TUFT1: variants seen among roughly 807,000 people sequenced by gnomAD.
TUFT1 encodes tuftelin 1, also known as tuftelin.
A neutral mutation model predicts 57.8 loss-of-function variants in TUFT1; 43 were observed. The observed-to-expected ratio is 0.74, with a 90% CI of 0.58 to 0.96. TUFT1 has a LOEUF of 0.96. TUFT1 is among the 40% of genes least tolerant of loss of function. The pLI, the probability that TUFT1 is intolerant of heterozygous loss-of-function variation, is 0.00. For synonymous variants in TUFT1, 166 were observed against 176.7 expected (o/e 0.94, Z 0.48); for missense variants, 459 against 489.0 (o/e 0.94, Z 0.58).
At chr1:151,553,735 A>T (rs1185577814) in intron 1 of TUFT1, among the ~76,000 whole-genome samples, 1 of 152,078 alleles carries the variant, frequency 6.6e-6, no homozygotes, top group East Asian at 1.9e-4. Context: ...ATGCTTCTGA[A>T]TTTTCCAGCG....
chr1:151,580,870 A>G, intron 11 of TUFT1, 72 bp from the exon 12 acceptor site: 1 of 1,340,792 alleles, frequency 7.5e-7, no homozygotes, highest in Non-Finnish European at 1.1e-6. Context: ...GAGAGACCAG[A>G]ATGCACTAGC....
intron 1 of TUFT1, among the ~76,000 whole-genome samples, chr1:151,548,211 C>G (rs1367141789): frequency 6.6e-6 from 1 of 152,102 alleles, no homozygotes; most frequent in Non-Finnish European, 1.5e-5. Context: ...CGGCTCTGTT[C>G]TTTGAGTTTA....
Position 151,574,352 on chromosome 1 carries a change from A to G in TUFT1, c.677A>G (p.Glu226Gly), listed in dbSNP as rs1247441433. 6.2e-7 allele frequency: 1 copy of G among 1,614,190 alleles called. No homozygotes were observed. The stretch of plus-strand genomic sequence containing the variant: ...GAGGAGGACAGAGTGGAGCAGAAAG[A>G]GGCAGAAGTCGGAGAGCTGCAGAGG... ...QREEDRVEQK[E>G]AEVGELQRRL... is the part of the protein sequence containing the mutation. Residue 226 changes from glutamate to glycine, a missense_variant, in exon 8 of 13, where the codon GAG (glutamate) becomes GGG (glycine). Physicochemically the swap from Glu to Gly is moderately conservative, Grantham distance 98. Coordinates refer to ENST00000368849, the MANE Select transcript of TUFT1 (RefSeq NM_020127.3).
At position 151,581,828 on chromosome 1, in the gene TUFT1, C is replaced by G; in HGVS notation, c.*121C>G. The G allele has an allele frequency of 9.6e-7, 1 of 1,041,538 alleles. No individual in the cohort carries two copies. 64.5% of individuals were successfully genotyped at this position (1,041,538 alleles called of 1,614,324 possible). A position where few individuals can be genotyped will look rare whatever the true frequency, so the allele number is the denominator to read the frequency against. ...TGTCCCCTGGCTGCACCCAGGACTT[C>G]GGGCTCCTGTGTCTCACCATTCCCA... On this transcript the variant is annotated 3_prime_UTR_variant, in exon 13 of 13. Transcript: ENST00000368849.
At chr1:151,544,346 G>A (rs1235164061) in intron 1 of TUFT1, among the ~76,000 whole-genome samples, 1 of 152,014 alleles carries the variant, frequency 6.6e-6, no homozygotes, top group African/African-American at 2.4e-5. Context: ...ACCCAGGCTG[G>A]GGTGCGGTGG....
At chr1:151,578,413 G>A (rs147039344) in intron 9 of TUFT1, among the ~76,000 whole-genome samples, 2 of 152,242 alleles carry the variant, frequency 1.3e-5, no homozygotes, top group Non-Finnish European at 2.9e-5. Flanking sequence ...GGGTTCAAGC[G>A]ATTCTTGTGC....
intron 10 of TUFT1, among the ~76,000 whole-genome samples, chr1:151,579,397 G>A (rs1200071201): frequency 6.6e-6 from 1 of 152,206 alleles, no homozygotes; most frequent in African/African-American, 2.4e-5. Flanking sequence ...ATTTTCCAAA[G>A]CCATATGGAA....
Position 151,579,715 on chromosome 1 carries a change from G to T in TUFT1, c.991G>T (p.Ala331Ser), listed in dbSNP as rs769723174. The change falls in exon 11 of 13, where the codon GCC becomes TCC. Residue 331 changes from alanine to serine, a missense_variant. Transcript: ENST00000368849. ...CATCCAGGAGCTCAAGGAGAAAATC[G>T]CCTATCTGGAGGCAGAGGTGTGTGT... ...ATIQELKEKI[A>S]YLEAENLEMH... 2 of 1,613,778 alleles carry T rather than the reference G, an allele frequency of 1.2e-6. No homozygotes were observed. The highest frequency in any genetic ancestry group is 1.7e-4 in the Middle Eastern group (1 of 6,032).
At chr1:151,569,554 TG>T in intron 6 of TUFT1, 102 bp from the exon 7 acceptor site, 1 of 869,196 alleles carries the variant, frequency 1.2e-6, no homozygotes, top group Non-Finnish European at 1.9e-6. Context: ...GAGGGTGGTC[TG>T]GACGAGATGG....
intron 1 of TUFT1, among the ~76,000 whole-genome samples, chr1:151,561,386 C>T (rs1270501094): frequency 1.3e-5 from 2 of 151,408 alleles, no homozygotes; most frequent in Non-Finnish European, 2.9e-5. Flanking sequence ...CATATTGGTG[C>T]GCCTGTAGTC....
intron 5 of TUFT1, among the ~76,000 whole-genome samples, chr1:151,565,420 T>C (rs12029082): frequency 0.046 from 6,973 of 152,382 alleles, 348 homozygotes; most frequent in East Asian, 0.23. Context: ...CTTCATTCCC[T>C]TGAGGGGAAC....
chr1:151,552,162 T>G, intron 1 of TUFT1, among the ~76,000 whole-genome samples: 1 of 152,262 alleles, frequency 6.6e-6, no homozygotes, highest in Non-Finnish European at 1.5e-5. Flanking sequence ...TGAGATTTAC[T>G]GATGTTGCAT....
At chr1:151,554,024 T>C (rs1441818409) in intron 1 of TUFT1, among the ~76,000 whole-genome samples, 1 of 133,578 alleles carries the variant, frequency 7.5e-6, no homozygotes, top group African/African-American at 2.5e-5. Flanking sequence ...TGGCTGGCTG[T>C]CTCCCTTTCT....
intron 1 of TUFT1, among the ~76,000 whole-genome samples, chr1:151,542,825 A>G (rs1665209933): frequency 1.3e-5 from 2 of 152,200 alleles, no homozygotes. Flanking sequence ...CAGTCGGGAC[A>G]CAGGCCTTGT....
In TUFT1 at chr1:151,574,316, C is replaced by T. The variant is rs142133307; in HGVS notation, c.641C>T (p.Ala214Val). The change falls in exon 8 of 13, where the codon GCC (alanine) becomes GTC (valine). Residue 214 changes from alanine to valine, a missense_variant. Transcript: ENST00000368849. The stretch of plus-strand genomic sequence containing the variant: ...AGGGAAGCAGAACAAAGTAATGTGG[C>T]CCTTCAGAGAGAGGAGGACAGAGTG... ...YQREAEQSNV[A>V]LQREEDRVEQ... 6.2e-7 allele frequency: 1 copy of T among 1,614,136 alleles called. No homozygotes were observed. The highest frequency in any genetic ancestry group is 2.2e-5 in the East Asian group (1 of 44,874).
chr1:151,555,230 G>A (rs1665652068), intron 1 of TUFT1, among the ~76,000 whole-genome samples: 1 of 151,102 alleles, frequency 6.6e-6, no homozygotes, highest in African/African-American at 2.4e-5. Context: ...TCAGGAGGCT[G>A]AGGTAGGAGG....
At position 151,562,119 on chromosome 1, in the gene TUFT1, T is replaced by C; in HGVS notation, c.89T>C (p.Leu30Pro). 1 of 1,614,178 alleles carries C rather than the reference T, an allele frequency of 6.2e-7. No homozygotes were observed. The highest frequency in any genetic ancestry group is 8.5e-7 in the Non-Finnish European group (1 of 1,180,020). ...AGCGTGGACATTCTCAGGCTGACTC[T>C]CCAGGGTGAACTGACAGGAGATGAA... The part of the protein sequence containing the change: ...AGSVDILRLT[L>P]QGELTGDELE... The change falls in exon 2 of 13, where the codon CTC becomes CCC. Residue 30 changes from leucine to proline, a missense_variant. Leu to Pro is a moderately conservative substitution (Grantham distance 98, BLOSUM62 -3). Transcript: ENST00000368849.
chr1:151,544,924 CT>C (rs373847543), intron 1 of TUFT1, among the ~76,000 whole-genome samples: 1 of 152,324 alleles, frequency 6.6e-6, no homozygotes, highest in African/African-American at 2.4e-5. Context: ...ACTCCCACCC[CT>C]GACATGCTTC....
intron 3 of TUFT1, among the ~76,000 whole-genome samples, chr1:151,563,170 C>G (rs189095126): frequency 6.6e-6 from 1 of 152,196 alleles, no homozygotes; most frequent in Non-Finnish European, 1.5e-5. Context: ...TAGGCGTGCA[C>G]CAGCCCACCT....
Sources: allele counts gnomAD v4.1 joint callset (sites outside exome capture counted in the v4.1 genomes callset), GRCh38; gene constraint gnomAD v4.1.1; transcripts MANE v1.5; gene names NCBI Gene and HGNC (gene_info 2026-07-23, HGNC 2026-07-21).